The following ADGRG6 variants were observed in gnomAD, a reference collection of about 807,000 sequenced individuals.
The protein encoded by ADGRG6 is adhesion G protein-coupled receptor G6.
Under a neutral mutation model 142.4 loss-of-function variants are expected in ADGRG6, and 84 were observed. The ratio of observed to expected loss-of-function variants is 0.59; its 90% CI spans 0.49 to 0.71. The LOEUF is 0.71. Ranked by LOEUF, ADGRG6 falls within the 30% of genes least tolerant of loss-of-function variation. The probability of loss-of-function intolerance (pLI) is 0.00; values close to 1 mark genes in which losing one functional copy is unlikely to be tolerated. For synonymous variants in ADGRG6, 521 were observed against 520.5 expected (o/e 1.00, Z -0.01); for missense variants, 1,367 against 1,466.6 (o/e 0.93, Z 1.11).
chr6:142,383,002 G>GT (rs34626486), intron 5 of ADGRG6, among the ~76,000 whole-genome samples: 31,131 of 151,056 alleles, frequency 0.21, 3,284 homozygotes, highest in African/African-American at 0.25. Flanking sequence ...TCATCAAGTA[G>GT]TTTTTTTTTC....
intron 22 of ADGRG6, among the ~76,000 whole-genome samples, chr6:142,434,589 G>A (rs1450720489): frequency 6.6e-6 from 1 of 152,084 alleles, no homozygotes; most frequent in Non-Finnish European, 1.5e-5. Flanking sequence ...CCAAAGTGTT[G>A]GGATTGCAGG....
chr6:142,326,045 A>G (rs1026258295), intron 2 of ADGRG6, among the ~76,000 whole-genome samples: 1 of 152,134 alleles, frequency 6.6e-6, no homozygotes, highest in Non-Finnish European at 1.5e-5. Context: ...AAATACAGGT[A>G]GGTTTAGTAT....
intron 2 of ADGRG6, among the ~76,000 whole-genome samples, chr6:142,324,327 G>T (rs1778659015): frequency 6.6e-6 from 1 of 152,004 alleles, no homozygotes; most frequent in African/African-American, 2.4e-5. Flanking sequence ...GGCCTTTATT[G>T]ATTGGCATTG....
At chr6:142,361,516 A>G (rs1780715026) in intron 2 of ADGRG6, among the ~76,000 whole-genome samples, 1 of 152,112 alleles carries the variant, frequency 6.6e-6, no homozygotes, top group Non-Finnish European at 1.5e-5. Flanking sequence ...TGTGGGTAAG[A>G]GACTGTCCAG....
intron 24 of ADGRG6, chr6:142,440,869 C>G: frequency 9.7e-7 from 1 of 1,035,872 alleles, no homozygotes; most frequent in Non-Finnish European, 1.4e-6. Flanking sequence ...TGGTTCATTT[C>G]TTGGAATTGA....
intron 2 of ADGRG6, among the ~76,000 whole-genome samples, chr6:142,320,578 G>A (rs574333314): frequency 9.2e-5 from 14 of 152,194 alleles, no homozygotes; most frequent in African/African-American, 3.1e-4. Context: ...CTTGTGAGCT[G>A]TAGTAGGAAG....
chr6:142,392,728 T>C (rs1335584856), intron 7 of ADGRG6, among the ~76,000 whole-genome samples: 1 of 152,018 alleles, frequency 6.6e-6, no homozygotes, highest in Non-Finnish European at 1.5e-5. Flanking sequence ...ACCTATTTCA[T>C]TGGTTGTTGT....
intron 3 of ADGRG6, 84 bp from the exon 4 acceptor site, chr6:142,370,086 C>T (rs139722002): frequency 2.0e-5 from 24 of 1,175,084 alleles, no homozygotes; most frequent in Admixed American, 1.5e-4. Flanking sequence ...TAGTAGAAAG[C>T]GATGGAGGGC....
At chr6:142,426,379 T>C (rs1477342201) in intron 22 of ADGRG6, among the ~76,000 whole-genome samples, 2 of 152,182 alleles carry the variant, frequency 1.3e-5, no homozygotes, top group African/African-American at 4.8e-5. Flanking sequence ...CAGTCAAATC[T>C]TAAGATTCCA....
chr6:142,366,180 C>T (rs1318767584), intron 2 of ADGRG6, among the ~76,000 whole-genome samples: 2 of 152,178 alleles, frequency 1.3e-5, no homozygotes, highest in Admixed American at 6.5e-5. Context: ...TAACTGTTCT[C>T]ATTAGTGAAA....
rs1186822002 is a variant in ADGRG6, at chr6:142,302,153, C to T, written c.-177C>T. 1.6e-6 allele frequency: 1 copy of T among 641,714 alleles called. No homozygotes were observed. The allele number at this position is 641,714 out of a possible 1,614,324, so 39.8% of individuals were successfully genotyped here. ...GCTGAACGCTGCCGCGCCCAGGGTT[C>T]ACCTTGCGCCGTCGGGAAAGCCCAT... On this transcript the variant is annotated 5_prime_UTR_variant, in exon 1 of 25. Coordinates refer to ENST00000367609, the MANE Select transcript of ADGRG6 (RefSeq NM_198569.3).
At chr6:142,425,649 G>A (rs1247926420) in intron 22 of ADGRG6, among the ~76,000 whole-genome samples, 2 of 152,096 alleles carry the variant, frequency 1.3e-5, no homozygotes, top group Admixed American at 6.6e-5. Context: ...TTATGGAGGC[G>A]GGATGTGTGG....
chr6:142,364,699 T>C (rs1477849939), intron 2 of ADGRG6, among the ~76,000 whole-genome samples: 1 of 152,214 alleles, frequency 6.6e-6, no homozygotes, highest in African/African-American at 2.4e-5. Flanking sequence ...GTCAGTGTTA[T>C]CAGTCAAATT....
At chr6:142,439,191 G>T (rs1777626369) in intron 24 of ADGRG6, among the ~76,000 whole-genome samples, 1 of 152,152 alleles carries the variant, frequency 6.6e-6, no homozygotes, top group Non-Finnish European at 1.5e-5. Context: ...AGTGAATGAT[G>T]TGAAAATGTG....
intron 18 of ADGRG6, among the ~76,000 whole-genome samples, chr6:142,413,817 C>T (rs901715905): frequency 6.6e-6 from 1 of 151,756 alleles, no homozygotes; most frequent in Non-Finnish European, 1.5e-5. Flanking sequence ...TCCATCACTT[C>T]GTGCATGGCT....
intron 4 of ADGRG6, 183 bp downstream of exon 4, chr6:142,370,976 T>C (rs1001430772): frequency 3.3e-6 from 2 of 609,620 alleles, no homozygotes; most frequent in Admixed American, 6.1e-5. Context: ...TGCTCAGCTC[T>C]TATAGCACAC....
chr6:142,330,075 A>G (rs1778972498), intron 2 of ADGRG6, among the ~76,000 whole-genome samples: 1 of 151,160 alleles, frequency 6.6e-6, no homozygotes, highest in Admixed American at 6.6e-5. Flanking sequence ...TTTTTTTGCC[A>G]CTGCAATTTT....
chr6:142,324,850 T>A (rs1437486393), intron 2 of ADGRG6, among the ~76,000 whole-genome samples: 1 of 152,140 alleles, frequency 6.6e-6, no homozygotes, highest in Admixed American at 6.6e-5. Flanking sequence ...TCTTTATTTT[T>A]GGATTCTGCC....
rs1367687555 is a variant in ADGRG6, at chr6:142,317,829, TTA to T, written c.103+8193_103+8194del. On this transcript the variant is annotated intron_variant, in intron 2 of 24. Transcript: ENST00000367609. ...ATATATTTATATATATTAATTTATA[TTA>T]TATATATTTATATATAATATATATT... Among the ~76,000 whole-genome samples, 588 of 86,526 alleles carry T rather than the reference TTA, an allele frequency of 6.8e-3. 3 individuals carry two copies. Among genetic ancestry groups the T allele is most frequent in the South Asian group, 9.1e-3 (33 of 3,628 alleles). 56.8% of individuals were successfully genotyped at this position (86,526 alleles called of 152,430 possible). A position where few individuals can be genotyped will look rare whatever the true frequency, so the allele number is the denominator to read the frequency against.
Sources: allele counts gnomAD v4.1 joint callset (sites outside exome capture counted in the v4.1 genomes callset), GRCh38; gene constraint gnomAD v4.1.1; transcripts MANE v1.5; gene names NCBI Gene and HGNC (gene_info 2026-07-23, HGNC 2026-07-21).